The following CCDC170 variants were observed in gnomAD, a reference collection of about 807,000 sequenced individuals.
CCDC170 encodes the protein coiled-coil domain containing 170, also known as coiled-coil domain-containing protein 170.
CCDC170 carries 69 observed loss-of-function variants against 72.6 expected under a neutral mutation model. That is an observed-to-expected ratio of 0.95 (90% CI 0.78 to 1.16). The LOEUF is 1.16. CCDC170 is among the 50% of genes most tolerant of loss of function. CCDC170 has a pLI of 0.00. For missense variants in CCDC170, 852 were observed against 832.5 expected, an observed-to-expected ratio of 1.02 and a Z score of -0.29; for synonymous variants, 300 against 303.9, an observed-to-expected ratio of 0.99 and a Z score of 0.13.
intron 1 of CCDC170, among the ~76,000 whole-genome samples, chr6:151,503,593 C>T (rs1427770979): frequency 3.3e-5 from 5 of 152,074 alleles, no homozygotes. Context: ...GCTGGGGTTA[C>T]AGGCATGCAC....
At chr6:151,580,847 G>GC (rs1776369633) in intron 6 of CCDC170, among the ~76,000 whole-genome samples, 2 of 152,100 alleles carry the variant, frequency 1.3e-5, no homozygotes, top group African/African-American at 4.8e-5. Flanking sequence ...CTGCGACAAA[G>GC]CAAGTGTCAC....
intron 7 of CCDC170, among the ~76,000 whole-genome samples, chr6:151,587,162 G>A (rs372559866): frequency 2.8e-4 from 43 of 152,244 alleles, no homozygotes; most frequent in East Asian, 2.5e-3. Flanking sequence ...GGAAACAATG[G>A]CACTGATAAC....
At position 151,574,480 on chromosome 6, in the gene CCDC170, G is replaced by C. The variant is rs756743132; in HGVS notation, c.1092+989G>C. Among the ~76,000 whole-genome samples the C allele has an allele frequency of 2.6e-5, 4 of 152,238 alleles. No individual in the cohort carries two copies. The East Asian group carries it at 7.7e-4, about 29-fold the overall frequency. On this transcript the variant is annotated intron_variant, in intron 6 of 10. Coordinates refer to ENST00000239374, the MANE Select transcript of CCDC170 (RefSeq NM_025059.4). ...CTTACCTGAAACTCTTGGGGCCCAC[G>C]GTGTTTTTGAGTTCAGAATTTTTCA...
chr6:151,607,024 G>A (rs1776796446), intron 9 of CCDC170, among the ~76,000 whole-genome samples: 1 of 152,064 alleles, frequency 6.6e-6, no homozygotes, highest in Non-Finnish European at 1.5e-5. Flanking sequence ...CTTATAGGCA[G>A]CATATAGTTG....
At chr6:151,520,623 A>G (rs116164495) in intron 1 of CCDC170, among the ~76,000 whole-genome samples, 1,601 of 152,334 alleles carry the variant, frequency 0.011, 27 homozygotes, top group African/African-American at 0.037. Flanking sequence ...GAGTCATTGC[A>G]GCTGGAGGCT....
In CCDC170 at chr6:151,596,369, A is replaced by G. The variant is rs1285836362; in HGVS notation, c.1502A>G (p.Glu501Gly). The change falls in exon 9 of 11, where the codon GAA (glutamate) becomes GGA (glycine). Residue 501 changes from glutamate to glycine, a missense_variant. By Grantham distance (98) the Glu-to-Gly change is moderately conservative. Coordinates refer to ENST00000239374, the MANE Select transcript of CCDC170 (RefSeq NM_025059.4). ...CAGAAAGAGAGACTGGAGAGCAAAG[A>G]ATTACACATGAGCCTCCTCCGGCAG... ...KTQKERLESK[E>G]LHMSLLRQKI... 6.2e-7 allele frequency: 1 copy of G among 1,614,128 alleles called. No individual in the cohort carries two copies. Among genetic ancestry groups the G allele is most frequent in the African/African-American group, 1.3e-5 (1 of 75,052 alleles).
At chr6:151,536,510 A>G in intron 2 of CCDC170, 64 bp downstream of exon 2, 1 of 1,577,716 alleles carries the variant, frequency 6.3e-7, no homozygotes, top group Non-Finnish European at 8.7e-7. Context: ...AATGAAACAG[A>G]TCACGCCTGT....
intron 9 of CCDC170, among the ~76,000 whole-genome samples, chr6:151,613,301 G>A (rs117505285): frequency 0.015 from 2,267 of 152,294 alleles, 29 homozygotes; most frequent in Non-Finnish European, 0.023. Context: ...TACTGGGGAA[G>A]CTGAGGCACA....
Position 151,538,267 on chromosome 6 carries a change from A to G in CCDC170, c.409A>G (p.Lys137Glu), listed in dbSNP as rs1638631908. Residue 137 changes from lysine to glutamate, a missense_variant, in exon 3 of 11, where the codon AAG (lysine) becomes GAG (glutamate). Transcript: ENST00000239374. ...TGCAATCAAGGAGAACCAGGAATTA[A>G]AGAAGAAAGTTGTAGAGTTAAATGA... ...HAAIKENQELKKKVVELNEKL... is the reference protein window; with the variant it reads ...HAAIKENQELEKKVVELNEKL... The G allele has an allele frequency of 6.2e-7, 1 of 1,613,690 alleles. No individual in the cohort carries two copies. The highest frequency in any genetic ancestry group is 1.3e-5 in the African/African-American group (1 of 74,918).
chr6:151,614,629 A>AT (rs34242496), intron 9 of CCDC170, among the ~76,000 whole-genome samples: 32,347 of 135,024 alleles, frequency 0.24, 3,889 homozygotes, highest in African/African-American at 0.28. Context: ...TAACTTTTGT[A>AT]TTTTTTTTTT....
intron 6 of CCDC170, among the ~76,000 whole-genome samples, chr6:151,578,556 C>G (rs1776335983): frequency 6.6e-6 from 1 of 152,170 alleles, no homozygotes; most frequent in Non-Finnish European, 1.5e-5. Flanking sequence ...CACTTCATCA[C>G]CACTCTAAAG....
At chr6:151,502,766 A>C (rs7762963) in intron 1 of CCDC170, among the ~76,000 whole-genome samples, 6,579 of 152,316 alleles carry the variant, frequency 0.043, 213 homozygotes, top group East Asian at 0.16. Flanking sequence ...ATTGAGTCTT[A>C]GGCACTCTGT....
intron 5 of CCDC170, among the ~76,000 whole-genome samples, chr6:151,571,487 G>A (rs1776218078): frequency 6.6e-6 from 1 of 152,084 alleles, no homozygotes; most frequent in Admixed American, 6.5e-5. Context: ...CAGCACTTTG[G>A]GAGGCCGAAG....
chr6:151,508,803 G>A (rs1053235437), intron 1 of CCDC170, among the ~76,000 whole-genome samples: 7 of 150,974 alleles, frequency 4.6e-5, no homozygotes, highest in Non-Finnish European at 8.9e-5. Flanking sequence ...ATCACCTGAG[G>A]TCAGGAGTTT....
chr6:151,499,243 TATAA>T, intron 1 of CCDC170, among the ~76,000 whole-genome samples: 2 of 131,940 alleles, frequency 1.5e-5, no homozygotes, highest in Non-Finnish European at 1.5e-5. Flanking sequence ...AGGCATGCTG[TATAA>T]GTGGAATCAG....
intron 10 of CCDC170, among the ~76,000 whole-genome samples, chr6:151,616,712 C>A (rs528095997): frequency 6.6e-5 from 10 of 152,262 alleles, no homozygotes; most frequent in Non-Finnish European, 1.0e-4. Context: ...ATAGAAATCT[C>A]TTTCTCACAG....
intron 10 of CCDC170, among the ~76,000 whole-genome samples, chr6:151,616,336 A>G (rs1405844771): frequency 6.6e-6 from 1 of 152,128 alleles, no homozygotes; most frequent in Non-Finnish European, 1.5e-5. Context: ...CATTTTATCT[A>G]GTGAGTCCAT....
intron 4 of CCDC170, 144 bp downstream of exon 4, chr6:151,544,860 G>A: frequency 1.5e-6 from 1 of 679,204 alleles, no homozygotes; most frequent in South Asian, 3.0e-5. Context: ...GTATGACTTG[G>A]GACAAGTCAC....
intron 6 of CCDC170, among the ~76,000 whole-genome samples, chr6:151,579,650 CT>C (rs774271270): frequency 1.4e-4 from 21 of 152,174 alleles, no homozygotes; most frequent in Admixed American, 3.3e-4. Flanking sequence ...ACATTTGTCC[CT>C]TATTTGTTCT....
Sources: gnomAD v4.1 joint callset for allele counts (sites outside exome capture counted in the v4.1 genomes callset) on GRCh38, gnomAD v4.1.1 for gene constraint, MANE v1.5 for transcripts, NCBI Gene and HGNC (gene_info 2026-07-23, HGNC 2026-07-21) for gene names.